GBF1: variants seen among roughly 807,000 people sequenced by gnomAD.
GBF1 encodes Golgi-specific brefeldin A-resistance guanine nucleotide exchange factor 1.
In GBF1, 114 loss-of-function variants were observed where a neutral mutation model predicts 210.5. The observed-to-expected ratio is 0.54, with a 90% CI of 0.47 to 0.63. GBF1 has a LOEUF of 0.63. Among genes scored for constraint, GBF1 ranks in the 30% least tolerant of loss-of-function variants. The pLI, the probability that GBF1 is intolerant of heterozygous loss-of-function variation, is 0.00. For synonymous variants in GBF1, 850 were observed against 889.2 expected, an observed-to-expected ratio of 0.96 and a Z score of 0.78; for missense variants, 1,851 against 2,357.7, an observed-to-expected ratio of 0.79 and a Z score of 4.45.
rs749669745 is a variant in GBF1 at position 102,358,742 on chromosome 10, T to C, written c.1011+13T>C. On this transcript the variant is annotated intron_variant, in intron 10 of 39. Coordinates refer to ENST00000369983, the MANE Select transcript of GBF1 (RefSeq NM_001377137.1). Reference sequence around the variant, plus strand: ...GCCTGACCTCCAGGTATGGCTTTGATTTTTAATGTCCCTCTTCAGTATTCC... The same window carrying C: ...GCCTGACCTCCAGGTATGGCTTTGACTTTTAATGTCCCTCTTCAGTATTCC... 2 of 1,518,258 alleles carry C rather than the reference T, an allele frequency of 1.3e-6. No individual in the cohort carries two copies. The highest frequency in any genetic ancestry group is 2.2e-5 in the South Asian group (2 of 89,038). The allele number at this position is 1,518,258 out of a possible 1,614,324, so 94.0% of individuals were successfully genotyped here. A position where few individuals can be genotyped will look rare whatever the true frequency, so the allele number is the denominator to read the frequency against.
chr10:102,282,269 A>G (rs1045641613), intron 3 of GBF1, among the ~76,000 whole-genome samples: 1 of 152,042 alleles, frequency 6.6e-6, no homozygotes, highest in Non-Finnish European at 1.5e-5. Context: ...AAAAACTCAC[A>G]AGATAGACTG....
At chr10:102,360,911 G>C in intron 12 of GBF1, 111 bp from the exon 13 acceptor site, 1 of 686,366 alleles carries the variant, frequency 1.5e-6, no homozygotes, top group Non-Finnish European at 2.6e-6. Context: ...GGAGGCAGAG[G>C]TTGCAGTGAG....
At chr10:102,312,030 G>C (rs192413321) in intron 3 of GBF1, among the ~76,000 whole-genome samples, 47 of 152,204 alleles carry the variant, frequency 3.1e-4, no homozygotes, top group Admixed American at 8.5e-4. Context: ...GGTAGCTCAC[G>C]CCTGTAATCC....
At chr10:102,231,190 G>A in the GBF1 span, 1 of 1,289,516 alleles carries the variant, frequency 7.8e-7, no homozygotes. Context: ...TCCAGCCGGG[G>A]CCCTGCGGTC....
intron 4 of GBF1, 29 bp from the exon 5 acceptor site, chr10:102,351,227 A>G: frequency 8.3e-7 from 1 of 1,204,048 alleles, no homozygotes; most frequent in Non-Finnish European, 1.2e-6. Flanking sequence ...TCTCCACATC[A>G]CTTAATCTTT....
At chr10:102,340,346 C>T (rs2058093668) in intron 3 of GBF1, among the ~76,000 whole-genome samples, 1 of 148,724 alleles carries the variant, frequency 6.7e-6, no homozygotes, top group South Asian at 2.1e-4. Context: ...GATCTCCGCT[C>T]ACTGCAAGCT....
chr10:102,338,447 T>C (rs1565127623), intron 3 of GBF1, among the ~76,000 whole-genome samples: 1 of 151,794 alleles, frequency 6.6e-6, no homozygotes, highest in Non-Finnish European at 1.5e-5. Flanking sequence ...TTTCACTATG[T>C]TGGCCAGGCT....
intron 3 of GBF1, among the ~76,000 whole-genome samples, chr10:102,299,385 C>G (rs944450368): frequency 2.0e-4 from 31 of 152,080 alleles, no homozygotes; most frequent in African/African-American, 7.5e-4. Flanking sequence ...GTTCTGTATC[C>G]TCATTGTGGT....
intron 3 of GBF1, among the ~76,000 whole-genome samples, chr10:102,341,927 C>A (rs535885272): frequency 3.5e-4 from 53 of 152,086 alleles, no homozygotes; most frequent in African/African-American, 1.2e-3. Context: ...TTCCTCTAGA[C>A]TTTTATATGT....
intron 3 of GBF1, among the ~76,000 whole-genome samples, chr10:102,334,490 C>T (rs2057579132): frequency 6.6e-6 from 1 of 152,186 alleles, no homozygotes; most frequent in Non-Finnish European, 1.5e-5. Flanking sequence ...CTTGAGGCCA[C>T]ATGTTGAGGC....
intron 3 of GBF1, among the ~76,000 whole-genome samples, chr10:102,320,679 C>T (rs1327871715): frequency 6.6e-6 from 1 of 152,108 alleles, no homozygotes; most frequent in Non-Finnish European, 1.5e-5. Flanking sequence ...TGAATCTATG[C>T]TTGATTTTAG....
intron 3 of GBF1, among the ~76,000 whole-genome samples, chr10:102,277,745 A>G (rs1332939254): frequency 3.3e-5 from 5 of 152,216 alleles, no homozygotes; most frequent in African/African-American, 1.2e-4. Flanking sequence ...TTCTCTTACT[A>G]ATTTAAGTAT....
intron 3 of GBF1, among the ~76,000 whole-genome samples, chr10:102,265,744 T>C (rs1431730412): frequency 6.6e-6 from 1 of 152,140 alleles, no homozygotes; most frequent in East Asian, 1.9e-4. Flanking sequence ...TCTTCTCTTA[T>C]GGGATCATCT....
intron 3 of GBF1, among the ~76,000 whole-genome samples, chr10:102,266,880 T>G (rs1047814642): frequency 6.6e-6 from 1 of 152,216 alleles, no homozygotes; most frequent in Non-Finnish European, 1.5e-5. Flanking sequence ...GTCAGGAGTT[T>G]ATTTAAGTAT....
intron 3 of GBF1, among the ~76,000 whole-genome samples, chr10:102,335,191 T>A (rs1174030130): frequency 1.3e-5 from 2 of 152,154 alleles, no homozygotes; most frequent in African/African-American, 4.8e-5. Context: ...ATCCGAAGTG[T>A]TTTCTCCAAT....
intron 3 of GBF1, among the ~76,000 whole-genome samples, chr10:102,311,354 A>G (rs2078416469): frequency 6.6e-6 from 1 of 152,138 alleles, no homozygotes; most frequent in Non-Finnish European, 1.5e-5. Context: ...CTGTGTGTGG[A>G]GTGGTTAATT....
intron 4 of GBF1, among the ~76,000 whole-genome samples, chr10:102,344,637 C>T (rs957259415): frequency 2.0e-5 from 3 of 151,954 alleles, no homozygotes; most frequent in South Asian, 2.1e-4. Flanking sequence ...CCCACCACCA[C>T]GCCCAGCTAA....
intron 3 of GBF1, among the ~76,000 whole-genome samples, chr10:102,342,909 T>G (rs1461544146): frequency 6.6e-6 from 1 of 152,202 alleles, no homozygotes; most frequent in African/African-American, 2.4e-5. Context: ...GAGTAAAATT[T>G]CATCTATTTA....
At chr10:102,313,951 C>T (rs1389519712) in intron 3 of GBF1, among the ~76,000 whole-genome samples, 1 of 151,982 alleles carries the variant, frequency 6.6e-6, no homozygotes, top group Non-Finnish European at 1.5e-5. Context: ...ATTTAGATGG[C>T]AGAAACTATT....
Sources: gnomAD v4.1 joint callset for allele counts (sites outside exome capture counted in the v4.1 genomes callset) on GRCh38, gnomAD v4.1.1 for gene constraint, MANE v1.5 for transcripts, NCBI Gene and HGNC (gene_info 2026-07-23, HGNC 2026-07-21) for gene names.